Variants in CECR2 observed in about 807,000 individuals in gnomAD.
CECR2 encodes the protein CECR2 histone acetyl-lysine reader.
In CECR2, 30 loss-of-function variants were observed where a neutral mutation model predicts 154.5. That is an observed-to-expected ratio of 0.19 (90% CI 0.15 to 0.26). The LOEUF is 0.26. CECR2 is among the 10% of genes least tolerant of loss of function. The probability of loss-of-function intolerance (pLI) is 1.00; values close to 1 mark genes in which losing one functional copy is unlikely to be tolerated. For missense variants in CECR2, 1,743 were observed against 1,829.3 expected (o/e 0.95, Z 0.86); for synonymous variants, 725 against 683.7 (o/e 1.06, Z -0.94).
intron 1 of CECR2, among the ~76,000 whole-genome samples, chr22:17,451,814 G>A (rs2054775738): frequency 1.3e-5 from 2 of 152,186 alleles, no homozygotes; most frequent in South Asian, 4.1e-4. Context: ...TACCTTTGGT[G>A]TATATGAACT....
At chr22:17,474,051 C>CT (rs1302914075) in intron 1 of CECR2, among the ~76,000 whole-genome samples, 3 of 151,908 alleles carry the variant, frequency 2.0e-5, no homozygotes, top group East Asian at 1.9e-4. Flanking sequence ...TTGGTACTAA[C>CT]TGGGGGGGGT....
At chr22:17,451,469 T>C (rs2054769337) in intron 1 of CECR2, among the ~76,000 whole-genome samples, 1 of 152,142 alleles carries the variant, frequency 6.6e-6, no homozygotes, top group Non-Finnish European at 1.5e-5. Flanking sequence ...TAGGACGAGA[T>C]TGCAATCTCA....
chr22:17,508,741 A>G (rs546304808), intron 7 of CECR2, among the ~76,000 whole-genome samples: 3 of 152,122 alleles, frequency 2.0e-5, no homozygotes, highest in Non-Finnish European at 4.4e-5. Context: ...TATATTGTTG[A>G]AAACATAACA....
intron 1 of CECR2, among the ~76,000 whole-genome samples, chr22:17,392,683 A>G (rs2063338018): frequency 6.7e-6 from 1 of 150,036 alleles, no homozygotes; most frequent in Admixed American, 6.6e-5. Context: ...CCTTGTCTCA[A>G]AGAAAAAAAA....
At chr22:17,531,955 G>C (rs1367010232) in intron 9 of CECR2, among the ~76,000 whole-genome samples, 1 of 152,142 alleles carries the variant, frequency 6.6e-6, no homozygotes, top group African/African-American at 2.4e-5. Context: ...AATTACTTGA[G>C]TCCTGGAGTT....
intron 1 of CECR2, among the ~76,000 whole-genome samples, chr22:17,411,527 AT>A (rs562416972): frequency 4.5e-4 from 68 of 152,296 alleles, no homozygotes; most frequent in Non-Finnish European, 7.8e-4. Context: ...GGTCGGATAG[AT>A]TTGGCAATGT....
At chr22:17,389,934 T>G (rs1039284104) in intron 1 of CECR2, among the ~76,000 whole-genome samples, 1 of 152,200 alleles carries the variant, frequency 6.6e-6, no homozygotes, top group African/African-American at 2.4e-5. Flanking sequence ...GGCCGGAATA[T>G]TCTCTTATAC....
At chr22:17,418,629 G>T in intron 1 of CECR2, 1 of 198,852 alleles carries the variant, frequency 5.0e-6, no homozygotes, top group Non-Finnish European at 1.1e-5. Flanking sequence ...ATAAAAATGA[G>T]GTTAGGTCAG....
chr22:17,451,294 T>A (rs2054765940), intron 1 of CECR2, among the ~76,000 whole-genome samples: 1 of 152,202 alleles, frequency 6.6e-6, no homozygotes, highest in Non-Finnish European at 1.5e-5. Context: ...GTGGGACTGA[T>A]ACAAAGTGGT....
At position 17,541,969 on chromosome 22, in the gene CECR2, T is replaced by TAAGC; in HGVS notation, c.2013+4_2013+7dup. 2 of 1,611,668 alleles carry TAAGC rather than the reference T, an allele frequency of 1.2e-6. No homozygotes were observed. The highest frequency in any genetic ancestry group is 2.2e-5 in the South Asian group (2 of 90,748). ...CAGCGTCAGCCTTTCACCATGCAGGTAAGCAGCCTACTCTGGAGGTGCAGG... is the reference window on the plus strand; with the variant it reads ...CAGCGTCAGCCTTTCACCATGCAGGTAAGCAAGCAGCCTACTCTGGAGGTGCAGG... On this transcript the variant is annotated splice_region_variant and intron_variant, in intron 15 of 18. Transcript: ENST00000262608.
At chr22:17,525,187 A>C (rs1264998629) in intron 9 of CECR2, among the ~76,000 whole-genome samples, 2 of 145,446 alleles carry the variant, frequency 1.4e-5, no homozygotes, top group Admixed American at 6.9e-5. Context: ...CAGGAGGCTG[A>C]GGCAGGAGAA....
rs562907765 is a variant in CECR2 at position 17,554,224 on chromosome 22, T to C, written c.*1384T>C. 6.6e-6 allele frequency: 1 copy of C among 152,330 alleles called. No homozygotes were observed. Among genetic ancestry groups the C allele is most frequent in the Admixed American group, 6.5e-5 (1 of 15,300 alleles). The allele number at this position is 152,330 out of a possible 1,614,324, so 9.4% of individuals were successfully genotyped here. ...GGTCACCAAAGTTAGGACCCATGTTTTAAACTTTTGAATATTCCACAAAAG... is the reference window on the plus strand; with the variant it reads ...GGTCACCAAAGTTAGGACCCATGTTCTAAACTTTTGAATATTCCACAAAAG... On this transcript the variant is annotated 3_prime_UTR_variant, in exon 19 of 19. Coordinates refer to ENST00000262608, the MANE Select transcript of CECR2 (RefSeq NM_001290047.2).
chr22:17,405,503 G>A (rs894579386), intron 1 of CECR2, among the ~76,000 whole-genome samples: 4 of 146,384 alleles, frequency 2.7e-5, no homozygotes, highest in African/African-American at 1.0e-4. Flanking sequence ...AGACGGGTGT[G>A]GTGGCTGCCG....
At chr22:17,435,684 TAAAAAAA>T (rs10694414) in intron 1 of CECR2, among the ~76,000 whole-genome samples, 3 of 90,944 alleles carry the variant, frequency 3.3e-5, no homozygotes, top group Middle Eastern at 6.9e-3. Context: ...TTTTAATTCT[TAAAAAAA>T]AAAAAAAAAA....
intron 1 of CECR2, among the ~76,000 whole-genome samples, chr22:17,432,335 C>T (rs939501282): frequency 2.0e-5 from 3 of 152,254 alleles, no homozygotes; most frequent in African/African-American, 7.2e-5. Context: ...TACCATTCCA[C>T]TGTGTGGGTA....
chr22:17,515,675 AC>A (rs1243152076), intron 8 of CECR2, among the ~76,000 whole-genome samples: 3 of 144,926 alleles, frequency 2.1e-5, no homozygotes, highest in African/African-American at 7.7e-5. Flanking sequence ...TGCACTACCA[AC>A]CTTTTTTTTT....
chr22:17,382,018 G>C (rs1046862646), intron 1 of CECR2, among the ~76,000 whole-genome samples: 1 of 151,420 alleles, frequency 6.6e-6, no homozygotes, highest in Non-Finnish European at 1.5e-5. Flanking sequence ...CTCCCTAGTA[G>C]CTGGGACTAC....
intron 17 of CECR2, 51 bp from the exon 18 acceptor site, chr22:17,551,980 T>A: frequency 6.4e-7 from 1 of 1,557,184 alleles, no homozygotes. Flanking sequence ...GTTTCTTCTG[T>A]CGTTAACACG....
chr22:17,546,361 C>T (rs573658469), intron 16 of CECR2, among the ~76,000 whole-genome samples: 1 of 152,014 alleles, frequency 6.6e-6, no homozygotes, highest in South Asian at 2.1e-4. Context: ...TGTCGGGCGC[C>T]TGTAGTCCCA....
Sources: gnomAD v4.1 joint callset for allele counts (sites outside exome capture counted in the v4.1 genomes callset) on GRCh38, gnomAD v4.1.1 for gene constraint, MANE v1.5 for transcripts, NCBI Gene and HGNC (gene_info 2026-07-23, HGNC 2026-07-21) for gene names.